The following KALRN variants were observed in gnomAD, a reference collection of about 807,000 sequenced individuals.
KALRN encodes the protein kalirin RhoGEF kinase.
Under a neutral mutation model 353.7 loss-of-function variants are expected in KALRN, and 70 were observed. The observed-to-expected ratio is 0.20, with a 90% confidence interval of 0.16 to 0.24. The LOEUF is 0.24. Among genes scored for constraint, KALRN ranks in the 10% least tolerant of loss-of-function variants. The pLI, the probability that KALRN is intolerant of heterozygous loss-of-function variation, is 1.00. For synonymous variants in KALRN, 1,391 were observed against 1,434.8 expected, an observed-to-expected ratio of 0.97 and a Z score of 0.69; for missense variants, 2,791 against 3,756.7, an observed-to-expected ratio of 0.74 and a Z score of 6.72.
At chr3:124,407,174 A>C (rs1395445516) in intron 13 of KALRN, among the ~76,000 whole-genome samples, 1 of 152,154 alleles carries the variant, frequency 6.6e-6, no homozygotes, top group Non-Finnish European at 1.5e-5. Flanking sequence ...AATGGAAACG[A>C]AATAATATTT....
intron 34 of KALRN, among the ~76,000 whole-genome samples, chr3:124,619,088 G>A (rs2078978014): frequency 1.3e-5 from 2 of 150,710 alleles, no homozygotes; most frequent in African/African-American, 4.9e-5. Context: ...TCCAGCCCCT[G>A]GTAACCAGTG....
intron 6 of KALRN, among the ~76,000 whole-genome samples, chr3:124,304,431 A>G (rs955152595): frequency 1.3e-5 from 2 of 152,180 alleles, no homozygotes; most frequent in Non-Finnish European, 2.9e-5. Flanking sequence ...AGTGATCTAT[A>G]TGCACGTTAA....
At chr3:124,286,754 A>T (rs997526320) in intron 5 of KALRN, among the ~76,000 whole-genome samples, 1 of 151,930 alleles carries the variant, frequency 6.6e-6, no homozygotes, top group Non-Finnish European at 1.5e-5. Flanking sequence ...CCTTCCCCCC[A>T]TTTTTTTAAG....
In KALRN at chr3:124,725,192, C is replaced by A. The variant is rs2063404490; in HGVS notation, c.*5722C>A. The stretch of plus-strand genomic sequence containing the variant: ...GTATTACAGAGACTGTTACTATGAC[C>A]TCAAAGACTGTGGCTACGAATCTGA... On this transcript the variant is annotated 3_prime_UTR_variant, in exon 60 of 60. Transcript: ENST00000682506. 6.6e-6 allele frequency: 1 copy of A among 152,118 alleles called. No homozygotes were observed. The highest frequency in any genetic ancestry group is 1.5e-5 in the Non-Finnish European group (1 of 68,028). 9.4% of individuals were successfully genotyped at this position (152,118 alleles called of 1,614,324 possible). A position where few individuals can be genotyped will look rare whatever the true frequency, so the allele number is the denominator to read the frequency against.
At chr3:124,286,512 A>G (rs558223970) in intron 5 of KALRN, among the ~76,000 whole-genome samples, 2 of 152,182 alleles carry the variant, frequency 1.3e-5, no homozygotes, top group African/African-American at 4.8e-5. Flanking sequence ...TGGTCTCCCA[A>G]AGTGCTGGGA....
At chr3:124,231,560 A>G (rs893600726) in intron 2 of KALRN, among the ~76,000 whole-genome samples, 6 of 152,224 alleles carry the variant, frequency 3.9e-5, no homozygotes, top group African/African-American at 9.6e-5. Flanking sequence ...TCAGTTCCAC[A>G]GGATGATCCT....
intron 34 of KALRN, among the ~76,000 whole-genome samples, chr3:124,618,201 C>CG (rs957733297): frequency 6.8e-6 from 1 of 146,980 alleles, no homozygotes; most frequent in African/African-American, 2.6e-5. Context: ...CTCCGCCTCC[C>CG]GGGGTTCATG....
intron 23 of KALRN, among the ~76,000 whole-genome samples, chr3:124,461,527 A>G (rs1051465091): frequency 6.6e-6 from 1 of 152,156 alleles, no homozygotes; most frequent in Non-Finnish European, 1.5e-5. Flanking sequence ...GATTCAAGCT[A>G]TCTAGTTTAG....
chr3:124,547,380 G>A lies in KALRN; in HGVS notation c.4936-15463G>A, dbSNP rs908248313. On this transcript the variant is annotated intron_variant, in intron 33 of 59. Transcript: ENST00000682506. ...TAGGCTGGAGTGCAGTGGCACAATC[G>A]TAGCTCACTGCAGCCTCCAACTCCA... Among the ~76,000 whole-genome samples the A allele has an allele frequency of 3.7e-4, 57 of 152,138 alleles. 1 individual carries two copies. The highest frequency in any genetic ancestry group is 3.3e-3 in the Admixed American group (50 of 15,282).
intron 33 of KALRN, among the ~76,000 whole-genome samples, chr3:124,525,237 G>A (rs898013770): frequency 3.3e-5 from 5 of 152,182 alleles, no homozygotes; most frequent in Admixed American, 3.3e-4. Flanking sequence ...AGAGAGTTCA[G>A]AAATAGCAGT....
intron 1 of KALRN, among the ~76,000 whole-genome samples, chr3:124,118,488 C>A (rs560994024): frequency 1.3e-5 from 2 of 152,146 alleles, no homozygotes; most frequent in African/African-American, 4.8e-5. Context: ...AAAAGTACAA[C>A]TTTCCAGCCC....
chr3:124,471,943 A>G (rs2107939875), intron 25 of KALRN, among the ~76,000 whole-genome samples: 1 of 134,274 alleles, frequency 7.4e-6, no homozygotes, highest in African/African-American at 2.8e-5. Flanking sequence ...CTCCAGCCTG[A>G]GTGACAGAGT....
intron 4 of KALRN, among the ~76,000 whole-genome samples, chr3:124,267,406 A>G (rs1473248895): frequency 6.6e-6 from 1 of 152,216 alleles, no homozygotes; most frequent in Non-Finnish European, 1.5e-5. Flanking sequence ...TGTGATGCCA[A>G]TACTGCTGGT....
chr3:124,667,040 T>C lies in KALRN; in HGVS notation c.6560T>C (p.Val2187Ala), dbSNP rs754198426. The C allele has an allele frequency of 6.2e-7, 1 of 1,612,376 alleles. No homozygotes were observed. Among genetic ancestry groups the C allele is most frequent in the Non-Finnish European group, 8.5e-7 (1 of 1,178,662 alleles). The change falls in exon 47 of 60, where the codon GTG becomes GCG. Residue 2187 changes from valine (V) to alanine (A), a missense_variant. By Grantham distance (64) the Val-to-Ala change is moderately conservative. This residue lies in a region of KALRN where 1,065 missense variants were observed against 1,156.4 expected (regional missense o/e 0.92). Transcript: ENST00000682506. ...KMNYLVLEEN[V>A]DNDPCKFALM... The stretch of plus-strand genomic sequence containing the variant: ...AATTACTTGGTCCTGGAGGAGAATG[T>C]GGACAATGATCCCTGCAAGTTTGCA...
At chr3:124,227,813 A>G (rs2078735667) in intron 1 of KALRN, among the ~76,000 whole-genome samples, 177 bp from the exon 2 acceptor site, 1 of 151,184 alleles carries the variant, frequency 6.6e-6, no homozygotes, top group Non-Finnish European at 1.5e-5. Flanking sequence ...GGCTGGCATG[A>G]TGTGGAAGTA....
intron 10 of KALRN, among the ~76,000 whole-genome samples, chr3:124,352,784 T>C (rs2082971239): frequency 6.6e-6 from 1 of 152,018 alleles, no homozygotes. Context: ...AAACACCGCA[T>C]GTTCTCACTC....
chr3:124,680,640 C>T (rs2087683864), intron 51 of KALRN, among the ~76,000 whole-genome samples: 1 of 152,142 alleles, frequency 6.6e-6, no homozygotes, highest in Non-Finnish European at 1.5e-5. Flanking sequence ...TTGTTTCAGC[C>T]ACCACAAAAC....
intron 32 of KALRN, among the ~76,000 whole-genome samples, chr3:124,495,388 C>A (rs2063594853): frequency 6.6e-6 from 1 of 152,140 alleles, no homozygotes; most frequent in Non-Finnish European, 1.5e-5. Flanking sequence ...TTAATATCCC[C>A]TGGAGACAAT....
chr3:124,157,018 G>A (rs1172409950), intron 1 of KALRN, among the ~76,000 whole-genome samples: 1 of 152,074 alleles, frequency 6.6e-6, no homozygotes, highest in Non-Finnish European at 1.5e-5. Flanking sequence ...CTTAATCTCT[G>A]CACATTTAAA....
Sources: allele counts gnomAD v4.1 joint callset (sites outside exome capture counted in the v4.1 genomes callset), GRCh38; gene constraint gnomAD v4.1.1; regional missense constraint gnomAD v4.1.1; transcripts MANE v1.5; gene names NCBI Gene and HGNC (gene_info 2026-07-23, HGNC 2026-07-21).